ECT2L: variants seen among roughly 807,000 people sequenced by gnomAD.
The protein encoded by ECT2L is epithelial cell transforming 2 like.
A neutral mutation model predicts 122.8 loss-of-function variants in ECT2L; 126 were observed. That is an observed-to-expected ratio of 1.03 (90% CI 0.89 to 1.19). The LOEUF is 1.19. Ranked by LOEUF, ECT2L falls within the 50% of genes most tolerant of loss-of-function variation. The pLI, the probability that ECT2L is intolerant of heterozygous loss-of-function variation, is 0.00. For missense variants in ECT2L, 1,012 were observed against 1,064.1 expected (o/e 0.95, Z 0.68); for synonymous variants, 385 against 381.8 (o/e 1.01, Z -0.10).
chr6:138,814,682 A>AT (rs1236422700), intron 4 of ECT2L, 79 bp downstream of exon 4: 9 of 876,092 alleles, frequency 1.0e-5, no homozygotes, highest in African/African-American at 1.7e-5. Flanking sequence ...CCTTTAAGAG[A>AT]TTTTTTGTTC....
chr6:138,894,930 T>C (rs936394318), intron 20 of ECT2L, among the ~76,000 whole-genome samples: 2 of 152,118 alleles, frequency 1.3e-5, no homozygotes, highest in Admixed American at 1.3e-4. Context: ...ACATTTATAT[T>C]ATTTGCTAAT....
rs769616990 is a variant in ECT2L, at chr6:138,900,923, C to G, written c.2415-25C>G. Reference sequence around the variant, plus strand: ...AAAGCATGTATGTTATGTATTAAAACTGTACCTTCTCCATTTTAACACAGG... The same window carrying G: ...AAAGCATGTATGTTATGTATTAAAAGTGTACCTTCTCCATTTTAACACAGG... On this transcript the variant is annotated intron_variant, in intron 20 of 21. Coordinates refer to ENST00000541398, the MANE Select transcript of ECT2L (RefSeq NM_001077706.3). The G allele has an allele frequency of 3.5e-5, 56 of 1,607,148 alleles. No homozygotes were observed. The East Asian group carries it at 1.2e-3, about 36-fold the overall frequency.
At chr6:138,834,289 G>A (rs1776747372) in intron 4 of ECT2L, among the ~76,000 whole-genome samples, 1 of 151,844 alleles carries the variant, frequency 6.6e-6, no homozygotes, top group Non-Finnish European at 1.5e-5. Context: ...GATGAGCCCT[G>A]CAATGTCATT....
intron 4 of ECT2L, chr6:138,822,729 C>T: frequency 6.3e-7 from 1 of 1,584,310 alleles, no homozygotes; most frequent in Admixed American, 1.8e-5. Context: ...TTCTGCATTT[C>T]CATCTGAGAT....
At chr6:138,832,985 G>C (rs1372217633) in intron 4 of ECT2L, among the ~76,000 whole-genome samples, 6 of 152,040 alleles carry the variant, frequency 3.9e-5, no homozygotes, top group African/African-American at 1.2e-4. Flanking sequence ...TACAATCACG[G>C]TGGAAGGGGA....
chr6:138,902,818 T>C lies in ECT2L; in HGVS notation c.*191T>C. ...TGCTCACTTATGTAGAATGTATAAG[T>C]ACATTTTGAGTCCAAAATTTTGAAC... On this transcript the variant is annotated 3_prime_UTR_variant, in exon 22 of 22. Coordinates refer to ENST00000541398, the MANE Select transcript of ECT2L (RefSeq NM_001077706.3). The C allele has an allele frequency of 1.7e-6, 1 of 602,686 alleles. No individual in the cohort carries two copies. Among genetic ancestry groups the C allele is most frequent in the Non-Finnish European group, 2.7e-6 (1 of 372,808 alleles). 37.3% of individuals were successfully genotyped at this position (602,686 alleles called of 1,614,324 possible).
At chr6:138,877,988 CTTAAG>C (rs1339193343) in intron 14 of ECT2L, among the ~76,000 whole-genome samples, 2 of 152,094 alleles carry the variant, frequency 1.3e-5, no homozygotes, top group East Asian at 1.9e-4. Flanking sequence ...TCATTTTTCT[CTTAAG>C]TTTTTTTACA....
intron 10 of ECT2L, among the ~76,000 whole-genome samples, chr6:138,862,203 G>C (rs1399726214): frequency 6.6e-6 from 1 of 152,148 alleles, no homozygotes; most frequent in Non-Finnish European, 1.5e-5. Flanking sequence ...CCTGAGGATG[G>C]GTAATTTATA....
At chr6:138,892,035 G>C (rs935408652) in intron 20 of ECT2L, among the ~76,000 whole-genome samples, 2 of 152,078 alleles carry the variant, frequency 1.3e-5, no homozygotes, top group Admixed American at 6.6e-5. Context: ...TATTTCTTCT[G>C]TCTCTCTTCA....
At position 138,865,173 on chromosome 6, in the gene ECT2L, T is replaced by A; in HGVS notation, c.1469T>A (p.Met490Lys). Reference sequence around the variant, plus strand: ...CTGCAGAAGAGCATCAGTGGCAGGATGATAGGTAAGCAGTCTTGCTACTTC... The same window carrying A: ...CTGCAGAAGAGCATCAGTGGCAGGAAGATAGGTAAGCAGTCTTGCTACTTC... ...KELQKSISGR[M>K]IGQFMFDTMG... is the part of the protein sequence containing the mutation. The change falls in exon 12 of 22, where the codon ATG (methionine) becomes AAG (lysine). Residue 490 changes from methionine to lysine, a missense_variant. Coordinates refer to ENST00000541398, the MANE Select transcript of ECT2L (RefSeq NM_001077706.3). 1 of 1,608,848 alleles carries A rather than the reference T, an allele frequency of 6.2e-7. No homozygotes were observed. The highest frequency in any genetic ancestry group is 8.5e-7 in the Non-Finnish European group (1 of 1,176,058).
At position 138,882,721 on chromosome 6, in the gene ECT2L, C is replaced by T. The variant is rs1035526373; in HGVS notation, c.1881-3C>T. ...TCATGCTTATGCTCTTCTCATACCA[C>T]AGGCAGTTTCTAGATAACCTGAGAG... is the stretch of plus-strand genomic sequence containing the variant. On this transcript the variant is annotated splice_polypyrimidine_tract_variant and splice_region_variant and intron_variant, in intron 15 of 21. Transcript: ENST00000541398. 1.2e-6 allele frequency: 2 copies of T among 1,613,676 alleles called. No individual in the cohort carries two copies. The highest frequency in any genetic ancestry group is 4.5e-5 in the East Asian group (2 of 44,888).
chr6:138,804,210 C>T (rs900553105), intron 1 of ECT2L, among the ~76,000 whole-genome samples: 2 of 152,112 alleles, frequency 1.3e-5, no homozygotes, highest in African/African-American at 2.4e-5. Flanking sequence ...ACAGACCATG[C>T]GTAATTGATT....
At chr6:138,834,784 G>T (rs559588521) in intron 4 of ECT2L, among the ~76,000 whole-genome samples, 2 of 152,178 alleles carry the variant, frequency 1.3e-5, no homozygotes, top group South Asian at 2.1e-4. Context: ...GGAAATGACA[G>T]TTATTACCTG....
chr6:138,858,982 G>A (rs994679466), intron 10 of ECT2L, among the ~76,000 whole-genome samples: 12 of 151,976 alleles, frequency 7.9e-5, no homozygotes, highest in African/African-American at 2.4e-4. Flanking sequence ...TCACAGGTGT[G>A]CACCATCCCG....
chr6:138,824,073 G>C (rs1186893259), intron 4 of ECT2L, among the ~76,000 whole-genome samples: 8 of 151,862 alleles, frequency 5.3e-5, no homozygotes, highest in Non-Finnish European at 1.0e-4. Flanking sequence ...GAGCTTTGTG[G>C]TGATAATTTT....
chr6:138,902,457 T>C (rs765726948), intron 21 of ECT2L, 43 bp from the exon 22 acceptor site: 1 of 1,552,364 alleles, frequency 6.4e-7, no homozygotes, highest in South Asian at 1.2e-5. Context: ...ATTTTGATTG[T>C]TATCTGCAAA....
chr6:138,849,920 C>A (rs1937687824), intron 9 of ECT2L, among the ~76,000 whole-genome samples: 1 of 144,758 alleles, frequency 6.9e-6, no homozygotes, highest in African/African-American at 2.5e-5. Flanking sequence ...ACTGTCTTAA[C>A]CATTTTGAAG....
At chr6:138,844,792 G>GTT (rs1267846444) in intron 7 of ECT2L, among the ~76,000 whole-genome samples, 1 of 114,664 alleles carries the variant, frequency 8.7e-6, no homozygotes, top group Admixed American at 1.0e-4. Context: ...CATTTTAAAT[G>GTT]TTCTTTTTTT....
At chr6:138,887,215 T>C (rs1261317904) in intron 19 of ECT2L, among the ~76,000 whole-genome samples, 1 of 97,532 alleles carries the variant, frequency 1.0e-5, no homozygotes, top group African/African-American at 3.4e-5. Flanking sequence ...GTTCTACTTG[T>C]TTTCTTTTCT....
Sources: allele counts gnomAD v4.1 joint callset (sites outside exome capture counted in the v4.1 genomes callset), GRCh38; gene constraint gnomAD v4.1.1; transcripts MANE v1.5; gene names NCBI Gene and HGNC (gene_info 2026-07-23, HGNC 2026-07-21).